STK39: variants seen among roughly 807,000 people sequenced by gnomAD.
STK39 encodes the protein serine/threonine kinase 39.
STK39 carries 20 observed loss-of-function variants against 77.8 expected under a neutral mutation model. The observed-to-expected ratio is 0.26, with a 90% CI of 0.18 to 0.37. The LOEUF (loss-of-function observed/expected upper bound fraction) is 0.37. STK39 is among the 10% of genes least tolerant of loss of function. STK39 has a pLI of 1.00. For missense variants in STK39, 479 were observed against 656.5 expected (o/e 0.73, Z 2.95); for synonymous variants, 246 against 234.1 (o/e 1.05, Z -0.47).
intron 1 of STK39, among the ~76,000 whole-genome samples, chr2:168,202,160 C>T (rs1689627280): frequency 6.6e-6 from 1 of 152,168 alleles, no homozygotes. Flanking sequence ...AGACAAATTC[C>T]CAGACTCAGC....
chr2:168,245,625 A>C (rs1558895596), intron 1 of STK39, among the ~76,000 whole-genome samples: 1 of 152,258 alleles, frequency 6.6e-6, no homozygotes. Context: ...GCAAGGCAGC[A>C]AAGAATGGAA....
intron 5 of STK39, among the ~76,000 whole-genome samples, chr2:168,145,053 A>G (rs1446498077): frequency 6.6e-6 from 1 of 152,144 alleles, no homozygotes; most frequent in East Asian, 1.9e-4. Context: ...TTGTCTGTGT[A>G]GAAGCAGAGG....
intron 1 of STK39, among the ~76,000 whole-genome samples, chr2:168,213,688 T>C (rs1209292449): frequency 7.9e-6 from 1 of 126,384 alleles, no homozygotes; most frequent in Non-Finnish European, 1.6e-5. Flanking sequence ...CCAGCCATAT[T>C]TAAAAAAAAA....
chr2:168,179,731 G>A (rs990659914), intron 2 of STK39, among the ~76,000 whole-genome samples: 2 of 152,136 alleles, frequency 1.3e-5, no homozygotes, highest in Admixed American at 6.5e-5. Context: ...GTTACAAGTA[G>A]CTCCAAATGA....
intron 2 of STK39, among the ~76,000 whole-genome samples, chr2:168,169,661 T>TGTGTGTGTGTGTGTGTGTGTGTC: frequency 6.6e-6 from 1 of 151,648 alleles, no homozygotes. Flanking sequence ...TGTGTGTGTG[T>TGTGTGTGTGTGTGTGTGTGTGTC]AACTCCTTTA....
chr2:168,230,921 G>A (rs1215021087), intron 1 of STK39, among the ~76,000 whole-genome samples: 8 of 151,988 alleles, frequency 5.3e-5, no homozygotes, highest in Non-Finnish European at 4.4e-5. Context: ...TCTTTGCTTC[G>A]GAATGAGCCC....
chr2:168,063,847 G>A (rs566170128), intron 13 of STK39, among the ~76,000 whole-genome samples: 1 of 152,276 alleles, frequency 6.6e-6, no homozygotes, highest in South Asian at 2.1e-4. Context: ...GTAAAGTCCA[G>A]CTACCTAAAA....
At chr2:168,201,284 A>G (rs1689604968) in intron 1 of STK39, among the ~76,000 whole-genome samples, 1 of 152,232 alleles carries the variant, frequency 6.6e-6, no homozygotes. Context: ...GCCAAACCAT[A>G]GCTGGCAGTG....
chr2:168,011,247 C>CGAG (rs11382219), intron 16 of STK39, among the ~76,000 whole-genome samples: 2,870 of 151,834 alleles, frequency 0.019, 94 homozygotes, highest in African/African-American at 0.066. Context: ...TGCAGTGGGC[C>CGAG]GAGATTACAC....
At chr2:167,981,980 G>A (rs993806359) in intron 16 of STK39, among the ~76,000 whole-genome samples, 5 of 152,090 alleles carry the variant, frequency 3.3e-5, no homozygotes, top group Non-Finnish European at 7.4e-5. Flanking sequence ...CAGTGCCGAC[G>A]TCCTTGCCAG....
At chr2:168,237,411 C>G (rs1397773063) in intron 1 of STK39, among the ~76,000 whole-genome samples, 2 of 152,230 alleles carry the variant, frequency 1.3e-5, no homozygotes, top group Non-Finnish European at 1.5e-5. Context: ...TTGACTTCCT[C>G]TTTTCCTAAC....
chr2:168,022,800 G>A (rs1203329916), intron 14 of STK39, among the ~76,000 whole-genome samples: 1 of 152,170 alleles, frequency 6.6e-6, no homozygotes, highest in Non-Finnish European at 1.5e-5. Context: ...ATGATACACA[G>A]ACCCACAGAC....
chr2:168,224,038 AAT>A (rs1437722442), intron 1 of STK39, among the ~76,000 whole-genome samples: 3 of 152,110 alleles, frequency 2.0e-5, no homozygotes, highest in African/African-American at 4.8e-5. Context: ...TAAACACACA[AAT>A]ATATCTTTTG....
chr2:168,185,611 T>C lies in STK39; in HGVS notation c.209-3521A>G, dbSNP rs1689188787. ...TCCAAAGAAATATTTCATGGAAATATAATTTAGTATTCTAACTTTGCATTT... is the reference window on the plus strand; with the variant it reads ...TCCAAAGAAATATTTCATGGAAATACAATTTAGTATTCTAACTTTGCATTT... On this transcript the variant is annotated intron_variant, in intron 1 of 17. Coordinates refer to ENST00000355999, the MANE Select transcript of STK39 (RefSeq NM_013233.3). 2.6e-5 allele frequency among the ~76,000 whole-genome samples: 4 copies of C among 152,230 alleles called. No individual in the cohort carries two copies. The South Asian group carries it at 8.3e-4, about 32-fold the overall frequency.
chr2:167,966,047 A>C (rs1692150237), intron 16 of STK39, among the ~76,000 whole-genome samples: 1 of 152,126 alleles, frequency 6.6e-6, no homozygotes, highest in South Asian at 2.1e-4. Context: ...TTGCCCTTTT[A>C]ATACTTCCAT....
intron 1 of STK39, among the ~76,000 whole-genome samples, chr2:168,239,562 A>G (rs1554240): frequency 0.99 from 151,263 of 152,336 alleles, 75,103 homozygotes; most frequent in Middle Eastern, 1. Context: ...AACTAAATAA[A>G]CCCCATCATT....
intron 14 of STK39, among the ~76,000 whole-genome samples, chr2:168,059,438 G>A (rs1477803642): frequency 2.0e-5 from 3 of 152,168 alleles, no homozygotes; most frequent in Non-Finnish European, 4.4e-5. Flanking sequence ...CAGAAAGACC[G>A]AGGCCTTGGG....
intron 15 of STK39, among the ~76,000 whole-genome samples, chr2:168,014,328 TA>T (rs1684352444): frequency 6.6e-6 from 1 of 151,968 alleles, no homozygotes; most frequent in Non-Finnish European, 1.5e-5. Context: ...CTACAAAGCG[TA>T]AAAAATTAGC....
At chr2:167,993,838 T>C (rs565223982) in intron 16 of STK39, among the ~76,000 whole-genome samples, 1 of 149,694 alleles carries the variant, frequency 6.7e-6, no homozygotes, top group South Asian at 2.1e-4. Context: ...TGCATTCATA[T>C]AAAAACATAC....
Sources: gnomAD v4.1 joint callset for allele counts (sites outside exome capture counted in the v4.1 genomes callset) on GRCh38, gnomAD v4.1.1 for gene constraint, MANE v1.5 for transcripts, NCBI Gene and HGNC (gene_info 2026-07-23, HGNC 2026-07-21) for gene names.